Variants in STAP2 observed in about 807,000 individuals in gnomAD.
The protein encoded by STAP2 is signal-transducing adaptor protein 2.
A neutral mutation model predicts 52.7 loss-of-function variants in STAP2; 58 were observed. The observed-to-expected ratio is 1.10, with a 90% CI of 0.89 to 1.37. The LOEUF (loss-of-function observed/expected upper bound fraction) is 1.37. Among genes scored for constraint, STAP2 ranks in the 40% most tolerant of loss-of-function variants. STAP2 has a pLI of 0.00. For synonymous variants in STAP2, 231 were observed against 210.5 expected (o/e 1.10, Z -0.84); for missense variants, 522 against 519.4 (o/e 1.00, Z -0.05).
intron 1 of STAP2, among the ~76,000 whole-genome samples, chr19:4,337,743 T>TGAGGCAC (rs1023915825): frequency 6.6e-6 from 1 of 152,004 alleles, no homozygotes; most frequent in African/African-American, 2.4e-5. Context: ...CTCGGGAGGC[T>TGAGGCAC]GAGGCACGAG....
intron 9 of STAP2, 115 bp downstream of exon 9, chr19:4,326,827 G>T: frequency 1.5e-6 from 2 of 1,347,422 alleles, no homozygotes; most frequent in Middle Eastern, 2.5e-4. Flanking sequence ...TTCTGTCCCT[G>T]CAACTTTGGG....
At chr19:4,336,605 G>A (rs1024374373) in intron 1 of STAP2, among the ~76,000 whole-genome samples, 5 of 151,132 alleles carry the variant, frequency 3.3e-5, no homozygotes, top group Middle Eastern at 3.4e-3. Flanking sequence ...GAGCCACCAC[G>A]CCCGGCCCCC....
chr19:4,329,714 G>A (rs1273902548), intron 5 of STAP2, among the ~76,000 whole-genome samples: 1 of 151,562 alleles, frequency 6.6e-6, no homozygotes, highest in Non-Finnish European at 1.5e-5. Flanking sequence ...TACTCCTCAG[G>A]CCTAGGCCCC....
At position 4,332,097 on chromosome 19, in the gene STAP2, G is replaced by A. The variant is rs1971901038; in HGVS notation, c.298-19C>T. 1.2e-6 allele frequency: 2 copies of A among 1,605,332 alleles called. No individual in the cohort carries two copies. Among genetic ancestry groups the A allele is most frequent in the African/African-American group, 1.3e-5 (1 of 74,302 alleles). On this transcript the variant is annotated intron_variant, in intron 3 of 12. Coordinates refer to ENST00000594605, the MANE Select transcript of STAP2 (RefSeq NM_001013841.2). Reference sequence around the variant, plus strand: ...TCTCTACCTGGGGAACAAAAGAAAGGAAAGAATCCAAGTCAGTGAGCCTCA... The same window carrying A: ...TCTCTACCTGGGGAACAAAAGAAAGAAAAGAATCCAAGTCAGTGAGCCTCA...
intron 11 of STAP2, 102 bp downstream of exon 11, chr19:4,325,113 TG>T (rs1275137296): frequency 3.8e-6 from 4 of 1,056,306 alleles, no homozygotes; most frequent in African/African-American, 1.7e-5. Context: ...CACTCCAGCC[TG>T]GGCGACAGAG....
intron 3 of STAP2, 28 bp from the exon 4 acceptor site, chr19:4,332,106 C>T (rs866211040): frequency 4.4e-6 from 7 of 1,600,820 alleles, no homozygotes; most frequent in Middle Eastern, 1.7e-4. Flanking sequence ...GGAAAGAATC[C>T]AAGTCAGTGA....
At chr19:4,332,191 T>A in intron 3 of STAP2, 113 bp from the exon 4 acceptor site, 2 of 575,152 alleles carry the variant, frequency 3.5e-6, no homozygotes, top group South Asian at 5.2e-5. Context: ...TTTTTTCTTT[T>A]TCTTCTTTTT....
intron 5 of STAP2, among the ~76,000 whole-genome samples, chr19:4,329,578 A>G (rs1971854234): frequency 6.6e-6 from 1 of 150,816 alleles, no homozygotes; most frequent in Non-Finnish European, 1.5e-5. Context: ...CACAAAGACG[A>G]TGCTCCGCCC....
In STAP2 at chr19:4,329,985, G is replaced by T. The variant is rs145893074; in HGVS notation, c.431C>A (p.Ala144Glu). The T allele has an allele frequency of 3.0e-5, 49 of 1,613,516 alleles. No individual in the cohort carries two copies. The African/African-American group carries it at 6.4e-4, about 21-fold the overall frequency. The change falls in exon 5 of 13, where the codon GCG becomes GAG. Residue 144 changes from alanine to glutamate, a missense_variant. Transcript: ENST00000594605. ...MMSEVLAKEEARRALETPSCF... is the reference protein window; with the variant it reads ...MMSEVLAKEEERRALETPSCF... ...CGAGGGTGTCTCCAGTGCACGGCGCGCCTCCTCTTTGGCCAAGACTTCAGA... is the reference window on the plus strand; with the variant it reads ...CGAGGGTGTCTCCAGTGCACGGCGCTCCTCCTCTTTGGCCAAGACTTCAGA...
At chr19:4,335,748 C>G (rs568832183) in intron 1 of STAP2, among the ~76,000 whole-genome samples, 1 of 152,256 alleles carries the variant, frequency 6.6e-6, no homozygotes, top group South Asian at 2.1e-4. Context: ...GTTTCCCCAG[C>G]TGTAAAATGG....
chr19:4,329,001 T>A, intron 5 of STAP2, 192 bp from the exon 6 acceptor site: 2 of 719,272 alleles, frequency 2.8e-6, no homozygotes, highest in South Asian at 2.1e-5. Context: ...TTTTGTGGGG[T>A]TTTTTGTTTT....
At chr19:4,334,876 TCCATCCACCTACTCATC>T (rs1482347875) in intron 1 of STAP2, among the ~76,000 whole-genome samples, 8 of 113,326 alleles carry the variant, frequency 7.1e-5, no homozygotes, top group Non-Finnish European at 9.2e-5. Context: ...CATCCCTCCA[TCCATCCACCTACTCATC>T]CATCCATCCA....
chr19:4,334,123 C>T (rs1971936837), intron 1 of STAP2, 79 bp from the exon 2 acceptor site: 1 of 1,248,034 alleles, frequency 8.0e-7, no homozygotes, highest in Non-Finnish European at 1.1e-6. Flanking sequence ...TGTCTCGGGG[C>T]CTTTGCACTG....
chr19:4,328,630 T>TC, intron 6 of STAP2, 45 bp downstream of exon 6: 3 of 1,541,500 alleles, frequency 1.9e-6, no homozygotes, highest in East Asian at 2.4e-5. Context: ...CCCACCCTCT[T>TC]CCCACCCTCC....
chr19:4,338,358 C>A (rs1245424870), intron 1 of STAP2: 1 of 218,062 alleles, frequency 4.6e-6, no homozygotes, highest in African/African-American at 2.3e-5. Context: ...GAACGAGAGA[C>A]AAAAGCAAAG....
rs1280820369 is a variant in STAP2 at position 4,338,723 on chromosome 19, G to A, written c.31C>T (p.Pro11Ser). 1 of 1,613,396 alleles carries A rather than the reference G, an allele frequency of 6.2e-7. No homozygotes were observed. The highest frequency in any genetic ancestry group is 1.3e-5 in the African/African-American group (1 of 74,922). MASALRPPRV[P>S]KPKGVLPSHY... ...GAAGGCAGGACACCCTTAGGCTTGGGGACACGGGGTGGCCTCAGGGCAGAG... is the reference window on the plus strand; with the variant it reads ...GAAGGCAGGACACCCTTAGGCTTGGAGACACGGGGTGGCCTCAGGGCAGAG... The change falls in exon 1 of 13, where the codon CCC (proline) becomes TCC (serine). Residue 11 changes from proline to serine, a missense_variant. Coordinates refer to ENST00000594605, the MANE Select transcript of STAP2 (RefSeq NM_001013841.2).
chr19:4,325,295 A>G lies in STAP2; in HGVS notation c.993T>C (p.Ser331=). The G allele has an allele frequency of 1.2e-6, 2 of 1,614,164 alleles. No homozygotes were observed. The highest frequency in any genetic ancestry group is 1.7e-6 in the Non-Finnish European group (2 of 1,180,004). The change falls in exon 11 of 13, where the codon AGT becomes AGC. Residue 331 remains serine (S), a synonymous_variant. Transcript: ENST00000594605. ...DYENQDVASS[S]WPVILKPKKL... ...TCTTTGGCTTCAGGATGACTGGCCA[A>G]CTAGAGGAAGCCACTGCGTGGACAA...
intron 1 of STAP2, 29 bp downstream of exon 1, chr19:4,338,623 C>G (rs769845371): frequency 4.1e-6 from 6 of 1,469,944 alleles, no homozygotes; most frequent in East Asian, 3.5e-5. Context: ...GGTGGCCCAG[C>G]AGGGCCAGCC....
chr19:4,334,088 T>C, intron 1 of STAP2, 44 bp from the exon 2 acceptor site: 1 of 1,555,704 alleles, frequency 6.4e-7, no homozygotes, highest in South Asian at 1.2e-5. Context: ...CTGGCCAAGC[T>C]GAGTGCCTTT....
Sources: allele counts gnomAD v4.1 joint callset (sites outside exome capture counted in the v4.1 genomes callset), GRCh38; gene constraint gnomAD v4.1.1; transcripts MANE v1.5; gene names NCBI Gene and HGNC (gene_info 2026-07-23, HGNC 2026-07-21).